The following NTM variants were observed in gnomAD, a reference collection of about 807,000 sequenced individuals.
NTM encodes the protein neurotrimin.
NTM carries 13 observed loss-of-function variants against 42.1 expected under a neutral mutation model. That is an observed-to-expected ratio of 0.31 (90% confidence interval 0.20 to 0.49). The LOEUF (loss-of-function observed/expected upper bound fraction) is 0.49, where lower values mean the gene tolerates loss of function less well. NTM is among the 20% of genes least tolerant of loss of function. NTM has a pLI of 0.99. For missense variants in NTM, 373 were observed against 452.8 expected (o/e 0.82, Z 1.60); for synonymous variants, 187 against 179.2 (o/e 1.04, Z -0.35).
intron 1 of NTM, among the ~76,000 whole-genome samples, chr11:131,469,503 C>T (rs1347530309): frequency 1.3e-5 from 2 of 152,178 alleles, no homozygotes; most frequent in Non-Finnish European, 1.5e-5. Flanking sequence ...ACTGCCATCA[C>T]AGATAGACAG....
chr11:132,016,281 C>T (rs759805756), intron 2 of NTM, among the ~76,000 whole-genome samples: 3 of 151,878 alleles, frequency 2.0e-5, no homozygotes, highest in Non-Finnish European at 2.9e-5. Flanking sequence ...AGCATCACCA[C>T]AACCCAGCTT....
At chr11:132,105,783 T>C (rs2062288531) in intron 2 of NTM, among the ~76,000 whole-genome samples, 1 of 152,226 alleles carries the variant, frequency 6.6e-6, no homozygotes, top group Non-Finnish European at 1.5e-5. Flanking sequence ...TGCTTCATGC[T>C]GGCAGACATT....
In NTM at chr11:131,780,208, G is replaced by A. The variant is rs565117151; in HGVS notation, c.83-131356G>A. 3.3e-5 allele frequency among the ~76,000 whole-genome samples: 5 copies of A among 152,328 alleles called. No individual in the cohort carries two copies. In the South Asian group the frequency reaches 8.3e-4, roughly 25 times the overall value. Reference sequence around the variant, plus strand: ...TTTGTGAGGCACGAAATAGGAAGCAGAGAAACCAGTTAGATCCTGATTCTA... The same window carrying A: ...TTTGTGAGGCACGAAATAGGAAGCAAAGAAACCAGTTAGATCCTGATTCTA... On this transcript the variant is annotated intron_variant, in intron 1 of 8. Transcript: ENST00000683400.
intron 2 of NTM, among the ~76,000 whole-genome samples, chr11:132,119,072 C>G (rs1000189457): frequency 1.3e-5 from 2 of 152,200 alleles, no homozygotes; most frequent in African/African-American, 4.8e-5. Context: ...GGGTGGCCCC[C>G]ATGCTCTGGG....
chr11:131,483,939 T>C (rs1953889030), intron 1 of NTM, among the ~76,000 whole-genome samples: 1 of 149,908 alleles, frequency 6.7e-6, no homozygotes, highest in African/African-American at 2.5e-5. Flanking sequence ...GAATCACCCA[T>C]AATCAGATGC....
At chr11:132,101,721 G>A (rs183991527) in intron 2 of NTM, among the ~76,000 whole-genome samples, 16 of 152,226 alleles carry the variant, frequency 1.1e-4, no homozygotes, top group African/African-American at 3.1e-4. Context: ...ATCACTAGGC[G>A]TATACGGTGT....
intron 1 of NTM, among the ~76,000 whole-genome samples, chr11:131,494,016 T>A (rs1955073199): frequency 6.6e-6 from 1 of 152,216 alleles, no homozygotes; most frequent in Non-Finnish European, 1.5e-5. Context: ...CAAGTCCTAT[T>A]TACCTAGATT....
intron 1 of NTM, among the ~76,000 whole-genome samples, chr11:131,793,404 G>A (rs1026425837): frequency 6.6e-6 from 1 of 152,158 alleles, no homozygotes; most frequent in African/African-American, 2.4e-5. Context: ...CTCAATGACT[G>A]AATAAATGAG....
At chr11:131,392,962 T>TGCCC (rs1254722482) in intron 1 of NTM, among the ~76,000 whole-genome samples, 5 of 152,126 alleles carry the variant, frequency 3.3e-5, no homozygotes, top group Non-Finnish European at 7.4e-5. Flanking sequence ...GGGTTAAGTG[T>TGCCC]ATTGTGCCCA....
At chr11:131,410,983 A>T (rs1010715662) in intron 1 of NTM, among the ~76,000 whole-genome samples, 2 of 152,212 alleles carry the variant, frequency 1.3e-5, no homozygotes, top group African/African-American at 4.8e-5. Flanking sequence ...TTGAGCCCTG[A>T]GTTCTATAAA....
intron 2 of NTM, among the ~76,000 whole-genome samples, chr11:132,056,222 G>C (rs2079629565): frequency 6.6e-6 from 1 of 152,170 alleles, no homozygotes; most frequent in East Asian, 1.9e-4. Context: ...TCCAAACTTT[G>C]ATGATTTAAA....
intron 1 of NTM, among the ~76,000 whole-genome samples, chr11:131,675,140 G>A (rs1328773065): frequency 2.6e-5 from 4 of 152,138 alleles, no homozygotes; most frequent in East Asian, 3.9e-4. Flanking sequence ...TGTATAAGAC[G>A]AAGAGAGCAT....
intron 1 of NTM, chr11:131,795,599 A>G (rs372251700): frequency 1.0e-6 from 1 of 985,310 alleles, no homozygotes; most frequent in East Asian, 1.1e-4. Context: ...CCCTGGTCCC[A>G]CAGAGTCATG....
chr11:131,993,483 A>T (rs2067390172), intron 2 of NTM, among the ~76,000 whole-genome samples: 2 of 152,186 alleles, frequency 1.3e-5, no homozygotes, highest in Non-Finnish European at 2.9e-5. Context: ...TGTGTTTGAA[A>T]TGCCTACAGG....
At chr11:131,654,397 A>G (rs964120476) in intron 1 of NTM, among the ~76,000 whole-genome samples, 73 of 151,256 alleles carry the variant, frequency 4.8e-4, no homozygotes, top group African/African-American at 1.7e-3. Flanking sequence ...GGCCACAAGA[A>G]CCGCAGTTGT....
intron 1 of NTM, among the ~76,000 whole-genome samples, chr11:131,781,654 C>T (rs1404705182): frequency 2.6e-5 from 4 of 152,130 alleles, no homozygotes; most frequent in Admixed American, 6.5e-5. Context: ...GAGATTAGTA[C>T]CAAATTCCCT....
intron 1 of NTM, among the ~76,000 whole-genome samples, chr11:131,792,614 C>T (rs1486554715): frequency 6.6e-6 from 1 of 152,162 alleles, no homozygotes; most frequent in Non-Finnish European, 1.5e-5. Flanking sequence ...CCTTTCTGGC[C>T]ACCACCCCCA....
chr11:131,789,885 G>A (rs7101839), intron 1 of NTM, among the ~76,000 whole-genome samples: 1,741 of 149,060 alleles, frequency 0.012, 34 homozygotes, highest in African/African-American at 0.04. Context: ...GAACCCGGGA[G>A]GCGGAGCTTG....
intron 1 of NTM, among the ~76,000 whole-genome samples, chr11:131,861,642 T>C (rs191518683): frequency 6.6e-6 from 1 of 152,308 alleles, no homozygotes; most frequent in Admixed American, 6.5e-5. Context: ...AAAATTTCAC[T>C]CCTGGCTCAT....
Sources: gnomAD v4.1 joint callset for allele counts (sites outside exome capture counted in the v4.1 genomes callset) on GRCh38, gnomAD v4.1.1 for gene constraint, MANE v1.5 for transcripts, NCBI Gene and HGNC (gene_info 2026-07-23, HGNC 2026-07-21) for gene names.